Variants in DYNLT2 observed in about 807,000 individuals in gnomAD.
The protein encoded by DYNLT2 is dynein light chain Tctex-type 2, also known as dynein light chain Tctex-type protein 2.
A neutral mutation model predicts 24.3 loss-of-function variants in DYNLT2; 24 were observed. The observed-to-expected ratio is 0.99, with a 90% CI of 0.71 to 1.39. The LOEUF (loss-of-function observed/expected upper bound fraction) is 1.39. Ranked by LOEUF, DYNLT2 falls within the 40% of genes most tolerant of loss-of-function variation. DYNLT2 has a pLI of 0.00. For missense variants in DYNLT2, 246 were observed against 234.5 expected (o/e 1.05, Z -0.32); for synonymous variants, 85 against 85.4 (o/e 1.00, Z 0.03).
chr6:169,735,212 G>C (rs1267902067), downstream of DYNLT2, among the ~76,000 whole-genome samples: 1 of 151,676 alleles, frequency 6.6e-6, no homozygotes, highest in Non-Finnish European at 1.5e-5. Context: ...TTTCTATTTA[G>C]TTAATTTTTT....
At chr6:169,742,480 T>G (rs1789699562) in intron 3 of DYNLT2, among the ~76,000 whole-genome samples, 1 of 152,212 alleles carries the variant, frequency 6.6e-6, no homozygotes, top group Non-Finnish European at 1.5e-5. Context: ...CTAACACCTA[T>G]TAGTGCCCAA....
the DYNLT2 span, among the ~76,000 whole-genome samples, chr6:169,726,710 CAAT>C: frequency 2.1e-3 from 321 of 151,984 alleles, no homozygotes; most frequent in Admixed American, 4.4e-3. Context: ...TGTATGATAA[CAAT>C]AATGTCCAAT....
chr6:169,725,667 A>C, the DYNLT2 span: 2 of 195,520 alleles, frequency 1.0e-5, no homozygotes, highest in Non-Finnish European at 2.1e-5. Flanking sequence ...AAAACAAAAA[A>C]AAACTCTTAA....
chr6:169,748,995 A>AT (rs1386967461), intron 1 of DYNLT2, among the ~76,000 whole-genome samples: 1 of 152,186 alleles, frequency 6.6e-6, no homozygotes, highest in African/African-American at 2.4e-5. Context: ...GTTTCTACTG[A>AT]TATAGCATTT....
chr6:169,728,452 A>C, the DYNLT2 span, among the ~76,000 whole-genome samples: 1 of 152,228 alleles, frequency 6.6e-6, no homozygotes, highest in Non-Finnish European at 1.5e-5. Context: ...AAGGCAACTG[A>C]ATGTGAGTTG....
intron 1 of DYNLT2, 52 bp downstream of exon 1, chr6:169,751,282 TTTCAC>T: frequency 6.4e-7 from 1 of 1,564,628 alleles, no homozygotes; most frequent in Non-Finnish European, 8.7e-7. Context: ...TGGGGAGCGA[TTTCAC>T]TTAAACGGTC....
chr6:169,728,415 T>A, the DYNLT2 span, among the ~76,000 whole-genome samples: 1 of 152,170 alleles, frequency 6.6e-6, no homozygotes, highest in African/African-American at 2.4e-5. Context: ...ATACTAATAT[T>A]GGCGACAGCA....
chr6:169,727,058 G>T, the DYNLT2 span, among the ~76,000 whole-genome samples: 1 of 152,192 alleles, frequency 6.6e-6, no homozygotes, highest in African/African-American at 2.4e-5. Context: ...TTAAAAGAGG[G>T]ACTGGTCAGC....
At position 169,751,541 on chromosome 6, in the gene DYNLT2, G is replaced by C. The variant is rs957095759; in HGVS notation, c.-83C>G. ...CCTAGCCAGTCCCGCGAGGGCGGAAGTCTCCCACCTGCGCCTCGTACGGTA... is the reference window on the plus strand; with the variant it reads ...CCTAGCCAGTCCCGCGAGGGCGGAACTCTCCCACCTGCGCCTCGTACGGTA... On this transcript the variant is annotated 5_prime_UTR_variant, in exon 1 of 4. Transcript: ENST00000366774. The C allele has an allele frequency of 6.2e-7, 1 of 1,610,684 alleles. No homozygotes were observed. Among genetic ancestry groups the C allele is most frequent in the Non-Finnish European group, 8.5e-7 (1 of 1,178,848 alleles).
chr6:169,746,380 C>G (rs1789800875), intron 1 of DYNLT2, among the ~76,000 whole-genome samples: 1 of 152,062 alleles, frequency 6.6e-6, no homozygotes, highest in East Asian at 1.9e-4. Context: ...TATACATTTC[C>G]TTCCAACCCA....
chr6:169,735,616 G>A (rs1789544998), downstream of DYNLT2, among the ~76,000 whole-genome samples: 2 of 152,182 alleles, frequency 1.3e-5, no homozygotes, highest in Non-Finnish European at 2.9e-5. Flanking sequence ...TTAATCCTGA[G>A]TTCTAATTTG....
chr6:169,740,152 C>T lies in DYNLT2; in HGVS notation c.*33G>A, dbSNP rs185983441. The T allele has an allele frequency of 3.6e-5, 49 of 1,352,628 alleles. No homozygotes were observed. The East Asian group carries it at 8.8e-4, about 24-fold the overall frequency. 83.8% of individuals were successfully genotyped at this position (1,352,628 alleles called of 1,614,324 possible). ...AAATTTCATTTATTTTTGAAAAGTT[C>T]GGAAGTAAACAATCCTTAGTACCTG... On this transcript the variant is annotated 3_prime_UTR_variant, in exon 4 of 4. Coordinates refer to ENST00000366774, the MANE Select transcript of DYNLT2 (RefSeq NM_174910.3).
chr6:169,743,519 C>G (rs1201741024), intron 2 of DYNLT2, among the ~76,000 whole-genome samples: 1 of 151,950 alleles, frequency 6.6e-6, no homozygotes, highest in African/African-American at 2.4e-5. Flanking sequence ...TTAATAGACA[C>G]AAGGAGATTT....
the DYNLT2 span, chr6:169,725,597 C>A: frequency 6.0e-6 from 2 of 332,248 alleles, no homozygotes; most frequent in Admixed American, 9.7e-5. Flanking sequence ...CATCTTTCAG[C>A]TAAATTCTTT....
At chr6:169,741,121 T>G (rs1318396070) in intron 3 of DYNLT2, among the ~76,000 whole-genome samples, 1 of 152,120 alleles carries the variant, frequency 6.6e-6, no homozygotes, top group African/African-American at 2.4e-5. Flanking sequence ...AAGGCCCAAA[T>G]TCTTTATGGC....
chr6:169,734,506 G>GT, the DYNLT2 span, among the ~76,000 whole-genome samples: 1 of 152,108 alleles, frequency 6.6e-6, no homozygotes, highest in Non-Finnish European at 1.5e-5. Flanking sequence ...GGATGTTGAA[G>GT]TTTGTCAGCC....
chr6:169,743,052 C>G, intron 3 of DYNLT2, 28 bp downstream of exon 3: 2 of 1,459,112 alleles, frequency 1.4e-6, no homozygotes, highest in Non-Finnish European at 1.8e-6. Context: ...GTTCTAATTG[C>G]TAGATCCTGT....
At position 169,751,327 on chromosome 6, in the gene DYNLT2, C is replaced by T. The variant is rs754959686; in HGVS notation, c.120+12G>A. ...ATAGCCGTCTCGGGCCCCTAGCAGTCTCCGCACTCACTGCCTCCTTCTCGA... is the reference window on the plus strand; with the variant it reads ...ATAGCCGTCTCGGGCCCCTAGCAGTTTCCGCACTCACTGCCTCCTTCTCGA... On this transcript the variant is annotated intron_variant, in intron 1 of 3. Coordinates refer to ENST00000366774, the MANE Select transcript of DYNLT2 (RefSeq NM_174910.3). 4.3e-6 allele frequency: 7 copies of T among 1,612,658 alleles called. No homozygotes were observed. The highest frequency in any genetic ancestry group is 3.3e-5 in the Admixed American group (2 of 59,880).
chr6:169,751,448 C>T lies in DYNLT2; in HGVS notation c.11G>A (p.Arg4Gln). 1 of 1,614,018 alleles carries T rather than the reference C, an allele frequency of 6.2e-7. No homozygotes were observed. The highest frequency in any genetic ancestry group is 1.1e-5 in the South Asian group (1 of 91,076). Residue 4 changes from arginine to glutamine, a missense_variant, in exon 1 of 4, where the codon CGA becomes CAA. Coordinates refer to ENST00000366774, the MANE Select transcript of DYNLT2 (RefSeq NM_174910.3). Reference sequence around the variant, plus strand: ...GGGGCTCGACTTCACGCCTCGGCCTCGCTTCTCCATCTCGCTCTGTTCTCC... The same window carrying T: ...GGGGCTCGACTTCACGCCTCGGCCTTGCTTCTCCATCTCGCTCTGTTCTCC... MEK[R>Q]GRGVKSSPIQ...
Sources: gnomAD v4.1 joint callset for allele counts (sites outside exome capture counted in the v4.1 genomes callset) on GRCh38, gnomAD v4.1.1 for gene constraint, MANE v1.5 for transcripts, NCBI Gene and HGNC (gene_info 2026-07-23, HGNC 2026-07-21) for gene names.